TMEM65: variants seen among roughly 807,000 people sequenced by gnomAD.
The protein encoded by TMEM65 is transmembrane protein 65.
A neutral mutation model predicts 25.4 loss-of-function variants in TMEM65; 22 were observed. The observed-to-expected ratio is 0.86, with a 90% CI of 0.62 to 1.23. The LOEUF (loss-of-function observed/expected upper bound fraction) is 1.23. Ranked by LOEUF, TMEM65 falls within the 50% of genes most tolerant of loss-of-function variation. The pLI is 0.00. For synonymous variants in TMEM65, 132 were observed against 126.2 expected (o/e 1.05, Z -0.31); for missense variants, 262 against 308.2 (o/e 0.85, Z 1.12).
intron 2 of TMEM65, among the ~76,000 whole-genome samples, chr8:124,329,628 C>T (rs918989198): frequency 5.9e-5 from 9 of 151,702 alleles, no homozygotes; most frequent in African/African-American, 2.2e-4. Context: ...ATAAATATGT[C>T]CTAAAAATTA....
At chr8:124,339,134 G>A (rs532122632) in intron 1 of TMEM65, among the ~76,000 whole-genome samples, 6 of 136,330 alleles carry the variant, frequency 4.4e-5, no homozygotes, top group African/African-American at 1.6e-4. Flanking sequence ...GCTTGCGGCA[G>A]TGAGCCCAGA....
At chr8:124,343,558 G>A (rs752452532) in intron 1 of TMEM65, among the ~76,000 whole-genome samples, 3 of 151,944 alleles carry the variant, frequency 2.0e-5, no homozygotes, top group Non-Finnish European at 2.9e-5. Context: ...TCAGGACCTC[G>A]AGTCTTTGAT....
At position 124,372,302 on chromosome 8, in the gene TMEM65, CG is replaced by C. The variant is rs562687094; in HGVS notation, c.-146del. ...GAGGCGCCGGGCACCATGCACTCCG[CG>C]GGCCCGCGCGGCTCTCGCCTCCTGT... On this transcript the variant is annotated 5_prime_UTR_variant, in exon 1 of 7. Coordinates refer to ENST00000297632, the MANE Select transcript of TMEM65 (RefSeq NM_194291.3). 2.5e-3 allele frequency: 1,700 copies of C among 671,032 alleles called. 29 individuals are homozygous for C. The African/African-American group carries it at 0.031, about 12-fold the overall frequency. 41.6% of individuals were successfully genotyped at this position (671,032 alleles called of 1,614,324 possible).
At chr8:124,320,271 A>G in intron 5 of TMEM65, 80 bp from the exon 6 acceptor site, 1 of 1,062,332 alleles carries the variant, frequency 9.4e-7, no homozygotes, top group Non-Finnish European at 1.4e-6. Context: ...CAAAACAAAG[A>G]CATGAGGACA....
chr8:124,356,601 A>G (rs995651724), intron 1 of TMEM65, among the ~76,000 whole-genome samples: 4 of 152,198 alleles, frequency 2.6e-5, no homozygotes, highest in Non-Finnish European at 4.4e-5. Context: ...AACTGCTCTG[A>G]CAAAGACATC....
Position 124,313,865 on chromosome 8 carries a change from T to C in TMEM65, c.*95A>G. 1.2e-6 allele frequency: 1 copy of C among 817,540 alleles called. No individual in the cohort carries two copies. The highest frequency in any genetic ancestry group is 1.6e-5 in the South Asian group (1 of 60,632). 50.6% of individuals were successfully genotyped at this position (817,540 alleles called of 1,614,324 possible). On this transcript the variant is annotated 3_prime_UTR_variant, in exon 7 of 7. Transcript: ENST00000297632. ...ATGCTAAATTATTTGATCCCATATC[T>C]ATACTGTTACTGTCTTAATTCCTAA...
At chr8:124,347,890 CTTT>C (rs10713773) in intron 1 of TMEM65, among the ~76,000 whole-genome samples, 17 of 117,314 alleles carry the variant, frequency 1.4e-4, no homozygotes, top group Non-Finnish European at 1.6e-4. Context: ...AATAATTTTT[CTTT>C]TTTTTTTTTT....
intron 1 of TMEM65, among the ~76,000 whole-genome samples, chr8:124,352,488 A>G (rs1814724053): frequency 8.8e-6 from 1 of 113,244 alleles, no homozygotes; most frequent in Non-Finnish European, 1.7e-5. Flanking sequence ...AAAATAAAAT[A>G]AAATAAAATA....
intron 1 of TMEM65, among the ~76,000 whole-genome samples, chr8:124,333,297 A>C (rs1046581240): frequency 2.6e-5 from 4 of 152,118 alleles, no homozygotes; most frequent in Non-Finnish European, 5.9e-5. Context: ...AATAGTCACA[A>C]TACATCCCAG....
At chr8:124,366,760 G>A (rs1025856978) in intron 1 of TMEM65, among the ~76,000 whole-genome samples, 6 of 143,104 alleles carry the variant, frequency 4.2e-5, no homozygotes, top group Admixed American at 2.1e-4. Flanking sequence ...GTCTTCTACT[G>A]GCAGTAATCC....
At position 124,335,511 on chromosome 8, in the gene TMEM65, G is replaced by GT. The variant is rs1814494721; in HGVS notation, c.305-4720dup. Among the ~76,000 whole-genome samples, 4 of 152,216 alleles carry GT rather than the reference G, an allele frequency of 2.6e-5. 1 individual carries two copies. In the South Asian group the frequency reaches 6.2e-4, roughly 24 times the overall value. Reference sequence around the variant, plus strand: ...GACATGACTGTGTAATGCAAAAATTGTAACACTGTCTTATAGTGTTTATAA... The same window carrying GT: ...GACATGACTGTGTAATGCAAAAATTGTTAACACTGTCTTATAGTGTTTATAA... On this transcript the variant is annotated intron_variant, in intron 1 of 6. Coordinates refer to ENST00000297632, the MANE Select transcript of TMEM65 (RefSeq NM_194291.3).
chr8:124,332,205 T>C (rs568658335), intron 1 of TMEM65, among the ~76,000 whole-genome samples: 1 of 152,334 alleles, frequency 6.6e-6, no homozygotes, highest in South Asian at 2.1e-4. Flanking sequence ...GAATACAGGA[T>C]ACTGCTATAC....
rs922052163 is a variant in TMEM65 at position 124,312,221 on chromosome 8, T to C, written c.*1739A>G. On this transcript the variant is annotated 3_prime_UTR_variant, in exon 7 of 7. Coordinates refer to ENST00000297632, the MANE Select transcript of TMEM65 (RefSeq NM_194291.3). ...CTGTGTGTGGTTATTATATGGAAGA[T>C]ACAAACCGAAATTCTATTTAAGATC... 3 of 151,606 alleles carry C rather than the reference T, an allele frequency of 2.0e-5. No individual in the cohort carries two copies. The highest frequency in any genetic ancestry group is 2.9e-5 in the Non-Finnish European group (2 of 67,832). The allele number at this position is 151,606 out of a possible 1,614,324, so 9.4% of individuals were successfully genotyped here. A position where few individuals can be genotyped will look rare whatever the true frequency, so the allele number is the denominator to read the frequency against.
At chr8:124,371,630 G>C (rs1815012982) in intron 1 of TMEM65, among the ~76,000 whole-genome samples, 1 of 152,224 alleles carries the variant, frequency 6.6e-6, no homozygotes, top group Admixed American at 6.5e-5. Flanking sequence ...GGCCTCGGCT[G>C]CCTGGCACGA....
chr8:124,326,675 A>C (rs1814369542), intron 3 of TMEM65, among the ~76,000 whole-genome samples: 1 of 152,040 alleles, frequency 6.6e-6, no homozygotes, highest in Non-Finnish European at 1.5e-5. Flanking sequence ...GTTTTTGAAG[A>C]CTTGCATTTT....
At chr8:124,369,500 T>A (rs953279900) in intron 1 of TMEM65, among the ~76,000 whole-genome samples, 4 of 152,204 alleles carry the variant, frequency 2.6e-5, no homozygotes, top group Non-Finnish European at 5.9e-5. Context: ...CACACAAGAT[T>A]GCCTATGGCA....
Position 124,315,568 on chromosome 8 carries a change from G to A in TMEM65, c.622-1507C>T, listed in dbSNP as rs561751324. Among the ~76,000 whole-genome samples, 18 of 151,956 alleles carry A rather than the reference G, an allele frequency of 1.2e-4. No homozygotes were observed. In the South Asian group the frequency reaches 1.2e-3, roughly 11 times the overall value. On this transcript the variant is annotated intron_variant, in intron 6 of 6. Coordinates refer to ENST00000297632, the MANE Select transcript of TMEM65 (RefSeq NM_194291.3). ...GATCTCCTGACCTCATGATCCACCC[G>A]CCTCGGCCTCCCAAAGTGCTGGAAT...
intron 1 of TMEM65, among the ~76,000 whole-genome samples, chr8:124,350,482 C>T (rs111996640): frequency 6.3e-4 from 37 of 59,014 alleles, no homozygotes; most frequent in African/African-American, 1.5e-3. Context: ...CTCTCTCACA[C>T]ACACACACAC....
intron 1 of TMEM65, among the ~76,000 whole-genome samples, chr8:124,343,046 C>T (rs947935281): frequency 3.3e-5 from 5 of 152,124 alleles, no homozygotes; most frequent in Admixed American, 1.3e-4. Flanking sequence ...TAAAGTTACT[C>T]ATTTCAATGG....
Sources: allele counts gnomAD v4.1 joint callset (sites outside exome capture counted in the v4.1 genomes callset), GRCh38; gene constraint gnomAD v4.1.1; transcripts MANE v1.5; gene names NCBI Gene and HGNC (gene_info 2026-07-23, HGNC 2026-07-21).